Variants in RAB27A observed in about 807,000 individuals in gnomAD.
RAB27A encodes the protein ras-related protein Rab-27A.
A neutral mutation model predicts 20.8 loss-of-function variants in RAB27A; 17 were observed. The ratio of observed to expected loss-of-function variants is 0.82; its 90% CI spans 0.56 to 1.23. The LOEUF is 1.23. Among genes scored for constraint, RAB27A ranks in the 50% most tolerant of loss-of-function variants. The probability of loss-of-function intolerance (pLI) is 0.00; values close to 1 mark genes in which losing one functional copy is unlikely to be tolerated. For missense variants in RAB27A, 277 were observed against 266.7 expected (o/e 1.04, Z -0.27); for synonymous variants, 85 against 92.8 (o/e 0.92, Z 0.48).
intron 6 of RAB27A, among the ~76,000 whole-genome samples, chr15:55,218,714 C>T (rs1895426029): frequency 6.6e-6 from 1 of 151,104 alleles, no homozygotes. Context: ...AAAATATGTA[C>T]ATTCAGTTGT....
intron 6 of RAB27A, among the ~76,000 whole-genome samples, chr15:55,220,241 TTTTGTTTGTTTGTTTGTTTTTG>T (rs1566903741): frequency 1.3e-5 from 2 of 149,876 alleles, no homozygotes; most frequent in Non-Finnish European, 3.0e-5. Flanking sequence ...TCTGGGGTTT[TTTTGTTTGTTTGTTTGTTTTTG>T]TTTGTTTGTT....
At chr15:55,248,275 C>A (rs1433988731) in intron 2 of RAB27A, among the ~76,000 whole-genome samples, 2 of 152,196 alleles carry the variant, frequency 1.3e-5, no homozygotes, top group African/African-American at 4.8e-5. Context: ...AGCCTCACTT[C>A]CAACCATCAT....
intron 2 of RAB27A, among the ~76,000 whole-genome samples, chr15:55,301,939 C>A (rs2054973888): frequency 6.6e-6 from 1 of 152,152 alleles, no homozygotes; most frequent in Non-Finnish European, 1.5e-5. Flanking sequence ...AGCCACCATG[C>A]CCAGTTCATC....
chr15:55,309,774 A>T lies in RAB27A; in HGVS notation c.-112+4265T>A, dbSNP rs374359821. Among the ~76,000 whole-genome samples the T allele has an allele frequency of 2.7e-3, 405 of 152,218 alleles. 4 individuals are homozygous for T. Among genetic ancestry groups the T allele is most frequent in the African/African-American group, 9.4e-3 (390 of 41,512 alleles). On this transcript the variant is annotated intron_variant, in intron 2 of 5. Transcript: ENST00000563262. ...ACAATGGCCTCATTGATAATCCCGA[A>T]ATCTTGCACTAACCTCCACTGTCCA...
intron 1 of RAB27A, among the ~76,000 whole-genome samples, chr15:55,280,571 C>T (rs1011160856): frequency 1.3e-5 from 2 of 149,482 alleles, no homozygotes; most frequent in Admixed American, 6.7e-5. Context: ...AGGCTTGATA[C>T]ATAGGTATAC....
At chr15:55,275,928 A>AAC (rs1897857351) in intron 1 of RAB27A, among the ~76,000 whole-genome samples, 2 of 149,590 alleles carry the variant, frequency 1.3e-5, no homozygotes, top group Admixed American at 1.3e-4. Flanking sequence ...TAAAAAAAAA[A>AAC]AAAAAAAAAA....
intron 1 of RAB27A, chr15:55,289,411 C>A (rs531153784): frequency 1.3e-5 from 2 of 152,404 alleles, no homozygotes; most frequent in Admixed American, 1.3e-4. Context: ...TCCTCCTTTC[C>A]CTCCTGGAAA....
rs199813098 is a variant in RAB27A, at chr15:55,217,663, C to CAAAAAAAAA, written c.467+6217_467+6225dup. Among the ~76,000 whole-genome samples, 36 of 43,542 alleles carry CAAAAAAAAA rather than the reference C, an allele frequency of 8.3e-4. 1 individual carries two copies. The highest frequency in any genetic ancestry group is 1.1e-3 in the Admixed American group (3 of 2,792). 28.6% of individuals were successfully genotyped at this position (43,542 alleles called of 152,430 possible). A position where few individuals can be genotyped will look rare whatever the true frequency, so the allele number is the denominator to read the frequency against. ...TGGGTGACAGAGCTACACTCCATCTCAAAAAAAAAAAAAAAAAAAAAAAAA... is the reference window on the plus strand; with the variant it reads ...TGGGTGACAGAGCTACACTCCATCTCAAAAAAAAAAAAAAAAAAAAAAAAAAAAAAAAAA... On this transcript the variant is annotated intron_variant, in intron 6 of 6. Transcript: ENST00000336787.
intron 3 of RAB27A, among the ~76,000 whole-genome samples, chr15:55,233,213 T>C (rs12439890): frequency 0.075 from 11,459 of 152,164 alleles, 678 homozygotes; most frequent in Admixed American, 0.18. Flanking sequence ...AAGATGTCAT[T>C]CGTATAGCAA....
At chr15:55,281,396 T>A (rs1262661636) in intron 1 of RAB27A, among the ~76,000 whole-genome samples, 1 of 152,184 alleles carries the variant, frequency 6.6e-6, no homozygotes, top group Non-Finnish European at 1.5e-5. Flanking sequence ...ATCAATAAAC[T>A]GGCATTCTGG....
chr15:55,207,505 A>G (rs780086220), intron 6 of RAB27A, among the ~76,000 whole-genome samples: 1 of 152,210 alleles, frequency 6.6e-6, no homozygotes, highest in Non-Finnish European at 1.5e-5. Context: ...GTGCCATCCT[A>G]TGAAAAATAT....
At chr15:55,313,360 T>C (rs769105961) in intron 2 of RAB27A, among the ~76,000 whole-genome samples, 7 of 152,146 alleles carry the variant, frequency 4.6e-5, no homozygotes, top group Admixed American at 2.6e-4. Context: ...GCAATGATGA[T>C]ACTACACTCA....
chr15:55,314,207 C>G (rs150780732), intron 1 of RAB27A: 1 of 146,832 alleles, frequency 6.8e-6, no homozygotes. Flanking sequence ...CTCCACCTAA[C>G]ATAGCTGAGA....
intron 6 of RAB27A, among the ~76,000 whole-genome samples, chr15:55,223,594 T>A (rs1202689681): frequency 6.6e-6 from 1 of 152,102 alleles, no homozygotes; most frequent in Non-Finnish European, 1.5e-5. Context: ...CCTATTTGCA[T>A]CTTGGAAAGA....
chr15:55,318,656 G>A (rs1364983609), intron 1 of RAB27A, among the ~76,000 whole-genome samples: 1 of 149,512 alleles, frequency 6.7e-6, no homozygotes. Flanking sequence ...AGCCCAGATT[G>A]CGCCACTGCA....
At chr15:55,301,301 T>C (rs1005072759) in intron 2 of RAB27A, among the ~76,000 whole-genome samples, 1 of 152,144 alleles carries the variant, frequency 6.6e-6, no homozygotes, top group Admixed American at 6.5e-5. Flanking sequence ...ATATTGGCCA[T>C]TAAAATGTCA....
At chr15:55,308,104 C>A (rs187833917) in intron 2 of RAB27A, among the ~76,000 whole-genome samples, 1 of 152,140 alleles carries the variant, frequency 6.6e-6, no homozygotes, top group Non-Finnish European at 1.5e-5. Context: ...TACTACGGGT[C>A]CTTTTATAAG....
intron 6 of RAB27A, among the ~76,000 whole-genome samples, chr15:55,213,205 C>T (rs2140923335): frequency 6.6e-6 from 1 of 152,270 alleles, no homozygotes; most frequent in South Asian, 2.1e-4. Context: ...TAAAGTATTT[C>T]TTAAATTTAT....
chr15:55,240,849 T>C (rs932362448), intron 2 of RAB27A, among the ~76,000 whole-genome samples: 1 of 152,218 alleles, frequency 6.6e-6, no homozygotes, highest in Non-Finnish European at 1.5e-5. Flanking sequence ...ATTGCTATTA[T>C]TGCAATTGCA....
Sources: gnomAD v4.1 joint callset for allele counts (sites outside exome capture counted in the v4.1 genomes callset) on GRCh38, gnomAD v4.1.1 for gene constraint, MANE v1.5 for transcripts, NCBI Gene and HGNC (gene_info 2026-07-23, HGNC 2026-07-21) for gene names.